Variants in BBS9 observed in about 807,000 individuals in gnomAD.
BBS9 encodes the protein protein PTHB1.
BBS9 carries 89 observed loss-of-function variants against 117.7 expected under a neutral mutation model. The ratio of observed to expected loss-of-function variants is 0.76; its 90% CI spans 0.64 to 0.90. The LOEUF is 0.90. BBS9 is among the 40% of genes least tolerant of loss of function. The pLI is 0.00. For missense variants in BBS9, 982 were observed against 1,042.2 expected, an observed-to-expected ratio of 0.94 and a Z score of 0.80; for synonymous variants, 379 against 370.9, an observed-to-expected ratio of 1.02 and a Z score of -0.25.
intron 11 of BBS9, among the ~76,000 whole-genome samples, chr7:33,342,825 G>T (rs921401775): frequency 6.6e-6 from 1 of 152,006 alleles, no homozygotes; most frequent in Non-Finnish European, 1.5e-5. Context: ...AGGAGATGTT[G>T]GTTTCTCTTC....
At chr7:33,191,569 T>A (rs1259247025) in intron 5 of BBS9, among the ~76,000 whole-genome samples, 5 of 152,152 alleles carry the variant, frequency 3.3e-5, no homozygotes, top group African/African-American at 1.2e-4. Context: ...CTCAGGTGTG[T>A]ATATGAATTG....
chr7:33,302,779 A>G (rs1160185421), intron 9 of BBS9, among the ~76,000 whole-genome samples: 1 of 152,186 alleles, frequency 6.6e-6, no homozygotes, highest in African/African-American at 2.4e-5. Flanking sequence ...GTGGTTCCAT[A>G]TAAATTGTAC....
At chr7:33,574,694 C>CACACACACACACAT (rs1554543946) in intron 21 of BBS9, among the ~76,000 whole-genome samples, 10 of 138,052 alleles carry the variant, frequency 7.2e-5, no homozygotes, top group African/African-American at 2.4e-4. Context: ...AACACACACA[C>CACACACACACACAT]ACACACACAC....
rs193016742 is a variant in BBS9 at position 33,378,491 on chromosome 7, G to A, written c.1790-5175G>A. Among the ~76,000 whole-genome samples, 805 of 152,310 alleles carry A rather than the reference G, an allele frequency of 5.3e-3. 6 individuals carry two copies. Among genetic ancestry groups the A allele is most frequent in the Non-Finnish European group, 8.5e-3 (576 of 68,030 alleles). ...TTCTCTGTTACTTTATCTTTAGAGA[G>A]GGAAGTCTTTGCCCAATATGGGGGG... On this transcript the variant is annotated intron_variant, in intron 17 of 22. Coordinates refer to ENST00000242067, the MANE Select transcript of BBS9 (RefSeq NM_198428.3).
At chr7:33,186,470 C>T (rs2128182736) in intron 5 of BBS9, among the ~76,000 whole-genome samples, 1 of 152,280 alleles carries the variant, frequency 6.6e-6, no homozygotes, top group South Asian at 2.1e-4. Context: ...CTCCCCCATT[C>T]AGAAAAAACT....
chr7:33,305,642 G>A (rs1348987797), intron 9 of BBS9, among the ~76,000 whole-genome samples: 2 of 152,088 alleles, frequency 1.3e-5, no homozygotes, highest in Admixed American at 1.3e-4. Context: ...TTGATAGGTT[G>A]TATGCGTCTA....
intron 2 of BBS9, among the ~76,000 whole-genome samples, chr7:33,149,759 C>T (rs1793006334): frequency 6.6e-6 from 1 of 152,188 alleles, no homozygotes; most frequent in East Asian, 1.9e-4. Context: ...GAGAGTCAGA[C>T]TTATCTGAGA....
intron 21 of BBS9, among the ~76,000 whole-genome samples, chr7:33,568,487 A>C (rs1001413594): frequency 2.0e-5 from 3 of 152,176 alleles, no homozygotes; most frequent in African/African-American, 7.2e-5. Context: ...CTAGACTGTA[A>C]GTTCCTTAAG....
chr7:33,421,535 G>T (rs1321257983), intron 19 of BBS9, among the ~76,000 whole-genome samples: 1 of 152,070 alleles, frequency 6.6e-6, no homozygotes, highest in East Asian at 1.9e-4. Context: ...AAAGACCTAG[G>T]CATACTTTAT....
At chr7:33,537,581 G>A (rs2129065317) in intron 21 of BBS9, among the ~76,000 whole-genome samples, 1 of 152,274 alleles carries the variant, frequency 6.6e-6, no homozygotes, top group African/African-American at 2.4e-5. Context: ...TCAGCTGTAT[G>A]CATTCTACTC....
chr7:33,195,498 T>A (rs181363419), intron 5 of BBS9, among the ~76,000 whole-genome samples: 163 of 152,240 alleles, frequency 1.1e-3, no homozygotes, highest in Non-Finnish European at 2.5e-4. Context: ...TATTTCTCAA[T>A]ATGCTGGTGA....
intron 9 of BBS9, among the ~76,000 whole-genome samples, chr7:33,293,024 G>A (rs1804401970): frequency 6.8e-6 from 1 of 148,034 alleles, no homozygotes; most frequent in African/African-American, 2.5e-5. Flanking sequence ...AAAAAAAATT[G>A]TAGAAAAAGT....
chr7:33,533,663 G>T lies in BBS9; in HGVS notation c.2299-291G>T, dbSNP rs142815572. The T allele has an allele frequency of 1.2e-3, 561 of 459,442 alleles. 5 individuals are homozygous for T. The highest frequency in any genetic ancestry group is 0.01 in the African/African-American group (513 of 50,840). 28.5% of individuals were successfully genotyped at this position (459,442 alleles called of 1,614,324 possible). Reference sequence around the variant, plus strand: ...GTTGTTACTCATTACTCTATGCCTGGCTCAGAGCTAAACCCTTCTCATAGA... The same window carrying T: ...GTTGTTACTCATTACTCTATGCCTGTCTCAGAGCTAAACCCTTCTCATAGA... On this transcript the variant is annotated intron_variant, in intron 20 of 22. Coordinates refer to ENST00000242067, the MANE Select transcript of BBS9 (RefSeq NM_198428.3).
intron 12 of BBS9, chr7:33,346,166 C>A: frequency 2.3e-6 from 1 of 426,208 alleles, no homozygotes; most frequent in Non-Finnish European, 4.8e-6. Flanking sequence ...CTGATCCTGT[C>A]TGACAGTTTC....
intron 19 of BBS9, among the ~76,000 whole-genome samples, chr7:33,492,218 A>AC (rs1317522987): frequency 0.011 from 1,713 of 149,556 alleles, 125 homozygotes; most frequent in African/African-American, 0.04. Flanking sequence ...AAAAAACAAA[A>AC]AAAAAACAAA....
At chr7:33,164,983 T>C (rs966860101) in intron 4 of BBS9, among the ~76,000 whole-genome samples, 5 of 152,216 alleles carry the variant, frequency 3.3e-5, no homozygotes, top group African/African-American at 4.8e-5. Flanking sequence ...TTCCTTTCCA[T>C]GTTTAGTGCT....
At chr7:33,180,816 C>G (rs1485644191) in intron 5 of BBS9, among the ~76,000 whole-genome samples, 2 of 152,108 alleles carry the variant, frequency 1.3e-5, no homozygotes, top group Admixed American at 6.6e-5. Context: ...GCGGTAGCCT[C>G]AGGGTGAGAG....
chr7:33,209,693 A>G (rs1787648047), intron 5 of BBS9, among the ~76,000 whole-genome samples: 1 of 152,178 alleles, frequency 6.6e-6, no homozygotes, highest in African/African-American at 2.4e-5. Flanking sequence ...AGTTGCTCAT[A>G]GTACCTCCTA....
intron 5 of BBS9, among the ~76,000 whole-genome samples, chr7:33,178,071 G>T (rs945464846): frequency 1.3e-5 from 2 of 152,260 alleles, no homozygotes; most frequent in South Asian, 2.1e-4. Context: ...GGAAGTCACT[G>T]CTCTACCTGC....
Sources: gnomAD v4.1 joint callset for allele counts (sites outside exome capture counted in the v4.1 genomes callset) on GRCh38, gnomAD v4.1.1 for gene constraint, MANE v1.5 for transcripts, NCBI Gene and HGNC (gene_info 2026-07-23, HGNC 2026-07-21) for gene names.